ENTREP2: variants seen among roughly 807,000 people sequenced by gnomAD.
ENTREP2 encodes the protein endosomal transmembrane epsin interactor 2, also known as protein ENTREP2.
At chr15:29,395,457 T>C in the ENTREP2 span, among the ~76,000 whole-genome samples, 2 of 152,160 alleles carry the variant, frequency 1.3e-5, no homozygotes, top group East Asian at 3.9e-4. Flanking sequence ...AGAATTACCA[T>C]ATGGCTATTA....
the ENTREP2 span, among the ~76,000 whole-genome samples, chr15:29,388,130 A>G: frequency 2.6e-5 from 4 of 152,220 alleles, no homozygotes; most frequent in Non-Finnish European, 5.9e-5. Context: ...GGATCTAATT[A>G]AACTAAAGAG....
the ENTREP2 span, among the ~76,000 whole-genome samples, chr15:29,218,499 G>C: frequency 0.068 from 10,316 of 152,098 alleles, 1,216 homozygotes; most frequent in African/African-American, 0.24. Flanking sequence ...AAAGAGCCCA[G>C]GTAGCCAAAG....
chr15:29,651,957 A>G, the ENTREP2 span, among the ~76,000 whole-genome samples: 1 of 152,158 alleles, frequency 6.6e-6, no homozygotes, highest in Non-Finnish European at 1.5e-5. Context: ...GAAGATCTGA[A>G]GCCTGGGGGC....
the ENTREP2 span, among the ~76,000 whole-genome samples, chr15:29,258,653 T>G: frequency 6.6e-6 from 1 of 152,242 alleles, no homozygotes; most frequent in East Asian, 1.9e-4. Context: ...TTCACACTGT[T>G]GTGGAATGAT....
At chr15:29,438,431 A>C in the ENTREP2 span, among the ~76,000 whole-genome samples, 1 of 152,178 alleles carries the variant, frequency 6.6e-6, no homozygotes, top group African/African-American at 2.4e-5. Context: ...GTTCTCAGAA[A>C]TATATTGTAA....
the ENTREP2 span, among the ~76,000 whole-genome samples, chr15:29,632,456 C>A: frequency 6.6e-6 from 1 of 152,182 alleles, no homozygotes; most frequent in East Asian, 1.9e-4. Flanking sequence ...ACAGAAATGT[C>A]TTATAACCTG....
the ENTREP2 span, among the ~76,000 whole-genome samples, chr15:29,654,898 G>C: frequency 6.6e-6 from 1 of 151,678 alleles, no homozygotes; most frequent in African/African-American, 2.4e-5. Flanking sequence ...GGTTGTCCAA[G>C]TGGGATAATG....
the ENTREP2 span, among the ~76,000 whole-genome samples, chr15:29,645,397 C>T: frequency 6.6e-6 from 1 of 152,146 alleles, no homozygotes; most frequent in African/African-American, 2.4e-5. Flanking sequence ...GCATGCAAGG[C>T]AGTCAGACAT....
chr15:29,538,354 A>G, the ENTREP2 span, among the ~76,000 whole-genome samples: 3 of 152,204 alleles, frequency 2.0e-5, no homozygotes, highest in Admixed American at 6.5e-5. Context: ...GAAGGAGAGA[A>G]GAGCCAGAGA....
At chr15:29,164,814 CT>C in the ENTREP2 span, among the ~76,000 whole-genome samples, 1 of 152,090 alleles carries the variant, frequency 6.6e-6, no homozygotes, top group Non-Finnish European at 1.5e-5. Context: ...TAAACTATAC[CT>C]TGGAACAAAT....
chr15:29,505,160 C>G, the ENTREP2 span, among the ~76,000 whole-genome samples: 2 of 152,238 alleles, frequency 1.3e-5, no homozygotes, highest in Non-Finnish European at 2.9e-5. This position sits in a 1 kb window ranked among gnomAD's most constrained non-coding sequence, Gnocchi z 4.3. Flanking sequence ...TGGGCAGAGC[C>G]CACCCCAGTG....
chr15:29,384,443 C>T, the ENTREP2 span, among the ~76,000 whole-genome samples: 1 of 152,280 alleles, frequency 6.6e-6, no homozygotes, highest in South Asian at 2.1e-4. Flanking sequence ...TGTCCACTCG[C>T]TCTTGTCTCC....
At chr15:29,559,614 C>T in the ENTREP2 span, among the ~76,000 whole-genome samples, 1 of 152,072 alleles carries the variant, frequency 6.6e-6, no homozygotes, top group African/African-American at 2.4e-5. Flanking sequence ...TTCCGGGCTT[C>T]CAGAGGCCAC....
At chr15:29,612,110 A>C in the ENTREP2 span, among the ~76,000 whole-genome samples, 1 of 152,210 alleles carries the variant, frequency 6.6e-6, no homozygotes, top group Admixed American at 6.5e-5. Context: ...CTTCGGAGTC[A>C]GTAGATAGGG....
chr15:29,423,155 T>C, the ENTREP2 span, among the ~76,000 whole-genome samples: 3 of 152,132 alleles, frequency 2.0e-5, no homozygotes, highest in Non-Finnish European at 2.9e-5. Context: ...GCTTCAACCC[T>C]GAATAACCCC....
At chr15:29,377,465 G>A in the ENTREP2 span, among the ~76,000 whole-genome samples, 11 of 152,224 alleles carry the variant, frequency 7.2e-5, no homozygotes, top group East Asian at 1.9e-3. Flanking sequence ...TGAGATGCCA[G>A]GCAAGGACCT....
At chr15:29,370,059 A>C in the ENTREP2 span, among the ~76,000 whole-genome samples, 1 of 152,228 alleles carries the variant, frequency 6.6e-6, no homozygotes, top group Non-Finnish European at 1.5e-5. Context: ...TAAATTACCC[A>C]ATCTCAGATA....
the ENTREP2 span, among the ~76,000 whole-genome samples, chr15:29,130,326 C>T: frequency 6.6e-6 from 1 of 152,158 alleles, no homozygotes; most frequent in Non-Finnish European, 1.5e-5. Context: ...CCATCAGCAC[C>T]CACCTGCTTT....
At chr15:29,151,824 C>T in the ENTREP2 span, 1 of 1,551,434 alleles carries the variant, frequency 6.4e-7, no homozygotes, top group South Asian at 1.2e-5. Flanking sequence ...TGAGGGCACA[C>T]ACGCTGAAGA....
Sources: allele counts gnomAD v4.1 joint callset (sites outside exome capture counted in the v4.1 genomes callset), GRCh38; gene constraint gnomAD v4.1.1; non-coding constraint Gnocchi (gnomAD v3.1); transcripts MANE v1.5; gene names NCBI Gene and HGNC (gene_info 2026-07-23, HGNC 2026-07-21).